Variants in ARHGAP6 observed in about 807,000 individuals in gnomAD.
The protein encoded by ARHGAP6 is rho GTPase-activating protein 6.
A neutral mutation model predicts 55.7 loss-of-function variants in ARHGAP6; 16 were observed. That is an observed-to-expected ratio of 0.29 (90% CI 0.19 to 0.44). The LOEUF is 0.44. ARHGAP6 is among the 20% of genes least tolerant of loss of function. ARHGAP6 has a pLI of 1.00. For synonymous variants in ARHGAP6, 382 were observed against 360.9 expected (o/e 1.06, Z -0.66); for missense variants, 698 against 808.9 (o/e 0.86, Z 1.66).
At chrX:11,367,763 G>C (rs2049099864) in intron 1 of ARHGAP6, 2 of 749,085 alleles carry the variant, frequency 2.7e-6, no homozygotes, top group African/African-American at 4.6e-5. Flanking sequence ...GAGAGACCAG[G>C]ATGTTACCTC....
At chrX:11,285,524 T>C (rs1032035710) in intron 1 of ARHGAP6, among the ~76,000 whole-genome samples, 3 of 111,780 alleles carry the variant, frequency 2.7e-5, no homozygotes, top group Non-Finnish European at 5.6e-5. Flanking sequence ...ACAATCTGGG[T>C]TTACTAACTT....
intron 4 of ARHGAP6, among the ~76,000 whole-genome samples, 183 bp from the exon 5 acceptor site, chrX:11,186,614 A>T (rs936471862): frequency 1.8e-5 from 2 of 112,433 alleles, no homozygotes; most frequent in Non-Finnish European, 1.9e-5. Flanking sequence ...TGAAAAAGTT[A>T]GAAAACCTCT....
intron 1 of ARHGAP6, among the ~76,000 whole-genome samples, chrX:11,537,399 G>C (rs1468571954): frequency 8.9e-6 from 1 of 111,754 alleles, no homozygotes; most frequent in Non-Finnish European, 1.9e-5. Context: ...GAATTACCCT[G>C]CCCAAAATGT....
chrX:11,298,178 T>G, intron 1 of ARHGAP6: 4 of 1,208,350 alleles, frequency 3.3e-6, no homozygotes, highest in Non-Finnish European at 3.4e-6. Flanking sequence ...TCAGTGAGTT[T>G]CTATATTGGA....
At chrX:11,661,827 CAGTT>C (rs1030589820) in intron 1 of ARHGAP6, among the ~76,000 whole-genome samples, 10 of 111,849 alleles carry the variant, frequency 8.9e-5, no homozygotes, top group South Asian at 7.5e-4. Context: ...CAGCAGTTCT[CAGTT>C]AGGGCGATTT....
intron 1 of ARHGAP6, among the ~76,000 whole-genome samples, chrX:11,472,589 C>T (rs777762988): frequency 1.8e-5 from 2 of 111,741 alleles, no homozygotes; most frequent in South Asian, 3.8e-4. Context: ...ACACAGAATG[C>T]GTGAGCAGGG....
At chrX:11,162,322 A>C (rs2045959336) in intron 9 of ARHGAP6, among the ~76,000 whole-genome samples, 2 of 88,982 alleles carry the variant, frequency 2.2e-5, no homozygotes, top group African/African-American at 8.7e-5. Flanking sequence ...CTACCCAGCT[A>C]CTGAAACTGT....
At chrX:11,152,187 C>A (rs1463223498) in intron 10 of ARHGAP6, among the ~76,000 whole-genome samples, 2 of 112,047 alleles carry the variant, frequency 1.8e-5, no homozygotes, top group African/African-American at 6.5e-5. Context: ...TAACTCTTAA[C>A]TAATAGACCG....
intron 1 of ARHGAP6, among the ~76,000 whole-genome samples, chrX:11,359,956 G>T (rs1205234654): frequency 9.0e-6 from 1 of 111,296 alleles, no homozygotes; most frequent in African/African-American, 3.3e-5. Context: ...ACTAAACCAG[G>T]AAGAAGTTGA....
intron 2 of ARHGAP6, among the ~76,000 whole-genome samples, chrX:11,240,778 C>T (rs1241527462): frequency 9.1e-6 from 1 of 110,414 alleles, no homozygotes; most frequent in Non-Finnish European, 1.9e-5. Flanking sequence ...GGCATGGTGG[C>T]TCGTATCTGT....
At chrX:11,380,333 G>A (rs895172471) in intron 1 of ARHGAP6, among the ~76,000 whole-genome samples, 1 of 111,830 alleles carries the variant, frequency 8.9e-6, no homozygotes, top group Non-Finnish European at 1.9e-5. Flanking sequence ...TCAGCTGGGT[G>A]TGGTTCCTGG....
In ARHGAP6 at chrX:11,441,911, T is replaced by G. The variant is rs6640734; in HGVS notation, c.589-187204A>C. Among the ~76,000 whole-genome samples the G allele has an allele frequency of 6.2e-3, 683 of 109,599 alleles. 15 individuals are homozygous for G. Among genetic ancestry groups the G allele is most frequent in the Admixed American group, 0.049 (502 of 10,229 alleles). ...GATGGTAACTTAAAAAAAAATCTCATGAATTTCTACACATATGTATTTGAA... is the reference window on the plus strand; with the variant it reads ...GATGGTAACTTAAAAAAAAATCTCAGGAATTTCTACACATATGTATTTGAA... On this transcript the variant is annotated intron_variant, in intron 1 of 12. Coordinates refer to ENST00000337414, the MANE Select transcript of ARHGAP6 (RefSeq NM_013427.3).
intron 2 of ARHGAP6, among the ~76,000 whole-genome samples, chrX:11,203,471 C>T (rs1379381229): frequency 8.9e-6 from 1 of 111,766 alleles, no homozygotes; most frequent in Admixed American, 9.5e-5. Flanking sequence ...TCATCACATT[C>T]TCCAGCCACT....
intron 1 of ARHGAP6, among the ~76,000 whole-genome samples, chrX:11,547,132 T>C (rs1054180659): frequency 8.9e-6 from 1 of 112,440 alleles, no homozygotes; most frequent in Admixed American, 9.4e-5. Context: ...CAATAGAACA[T>C]GTCACAACAC....
At chrX:11,142,920 G>GACA (rs2045640778) in intron 11 of ARHGAP6, 1 of 112,134 alleles carries the variant, frequency 8.9e-6, no homozygotes, top group South Asian at 3.7e-4. Flanking sequence ...GGTGATGGGT[G>GACA]ACAACAGCTT....
At position 11,264,223 on chromosome X, in the gene ARHGAP6, TA is replaced by T. The variant is rs11410186; in HGVS notation, c.589-9517del. 5.4e-4 allele frequency among the ~76,000 whole-genome samples: 57 copies of T among 105,273 alleles called. 1 individual carries two copies. In the South Asian group the frequency reaches 6.2e-3, roughly 11 times the overall value. The allele number at this position is 105,273 out of a possible 115,157, so 91.4% of individuals were successfully genotyped here. ...TCTGAGAAACATCCCAGAGAGCCTG[TA>T]AAAAAAAAAATCAAACAACATAATT... On this transcript the variant is annotated intron_variant, in intron 1 of 12. Transcript: ENST00000337414.
rs185611523 is a variant in ARHGAP6, at chrX:11,597,366, G to A, written c.588+66875C>T. The stretch of plus-strand genomic sequence containing the variant: ...AAATATGGCACAGCTAGAAAAATCC[G>A]TGTTAACTAAGTCTCCATCTTATCT... On this transcript the variant is annotated intron_variant, in intron 1 of 12. Transcript: ENST00000337414. Among the ~76,000 whole-genome samples the A allele has an allele frequency of 6.3e-5, 7 of 111,715 alleles. No homozygotes were observed. In the East Asian group the frequency reaches 1.1e-3, roughly 18 times the overall value.
rs780690320 is a variant in ARHGAP6, at chrX:11,268,981, A to G, written c.589-14274T>C. 9.4e-4 allele frequency among the ~76,000 whole-genome samples: 105 copies of G among 111,578 alleles called. 1 individual carries two copies. In the Middle Eastern group the frequency reaches 0.014, roughly 15 times the overall value. ...CCAGCGTGAAAGGTTTAGTTGCCCC[A>G]ATGTCTCAACCTAAATCCAGCCCAC... is the stretch of plus-strand genomic sequence containing the variant. On this transcript the variant is annotated intron_variant, in intron 1 of 12. Coordinates refer to ENST00000337414, the MANE Select transcript of ARHGAP6 (RefSeq NM_013427.3).
chrX:11,317,813 T>G (rs1158660398), intron 1 of ARHGAP6, among the ~76,000 whole-genome samples: 1 of 111,500 alleles, frequency 9.0e-6, no homozygotes, highest in African/African-American at 3.3e-5. Context: ...GCTTATACAC[T>G]GTTGTTATGG....
Sources: gnomAD v4.1 joint callset for allele counts (sites outside exome capture counted in the v4.1 genomes callset) on GRCh38, gnomAD v4.1.1 for gene constraint, MANE v1.5 for transcripts, NCBI Gene and HGNC (gene_info 2026-07-23, HGNC 2026-07-21) for gene names.